PACS2: variants seen among roughly 807,000 people sequenced by gnomAD.
PACS2 encodes phosphofurin acidic cluster sorting protein 2, also known as PACS1-like protein.
PACS2 carries 36 observed loss-of-function variants against 113.0 expected under a neutral mutation model. The ratio of observed to expected loss-of-function variants is 0.32; its 90% confidence interval spans 0.24 to 0.42. The LOEUF is 0.42. Among genes scored for constraint, PACS2 ranks in the 10% least tolerant of loss-of-function variants. The pLI, the probability that PACS2 is intolerant of heterozygous loss-of-function variation, is 1.00. For missense variants in PACS2, 1,015 were observed against 1,239.5 expected (o/e 0.82, Z 2.72); for synonymous variants, 589 against 536.1 (o/e 1.10, Z -1.36).
chr14:105,347,095 C>T (rs995989843), intron 1 of PACS2, among the ~76,000 whole-genome samples: 3 of 147,096 alleles, frequency 2.0e-5, no homozygotes, highest in South Asian at 2.3e-4. Flanking sequence ...AAGTCAGGCG[C>T]GTCCCACCCA....
intron 8 of PACS2, chr14:105,374,843 G>C (rs963730838): frequency 2.6e-5 from 4 of 152,224 alleles, no homozygotes; most frequent in African/African-American, 9.7e-5. Context: ...CTCAGACACA[G>C]GATCACTTCC....
intron 9 of PACS2, among the ~76,000 whole-genome samples, chr14:105,378,463 G>A (rs1475253489): frequency 1.3e-5 from 2 of 152,230 alleles, no homozygotes; most frequent in African/African-American, 4.8e-5. Context: ...AGGCTAGAGT[G>A]TAGTTGTGCA....
chr14:105,360,172 T>C (rs2060623522), intron 4 of PACS2, among the ~76,000 whole-genome samples: 2 of 152,228 alleles, frequency 1.3e-5, no homozygotes, highest in African/African-American at 2.4e-5. Flanking sequence ...ATAAAAGTTA[T>C]GTTTACACTG....
chr14:105,382,912 T>G lies in PACS2; in HGVS notation c.1624T>G (p.Tyr542Asp), dbSNP rs781953447. Reference sequence around the variant, plus strand: ...CACCATCGTCTCACGGATACAGAGATAGTGAGTTGGGCTCCACCCTGTACT... The same window carrying G: ...CACCATCGTCTCACGGATACAGAGAGAGTGAGTTGGGCTCCACCCTGTACT... ...FSTIVSRIQRYCNCNSQPPTP... is the reference protein window; with the variant it reads ...FSTIVSRIQRDCNCNSQPPTP... Residue 542 changes from tyrosine to aspartate, a missense_variant and splice_region_variant, in exon 15 of 25, where the codon TAC becomes GAC. By Grantham distance (160) the Tyr-to-Asp change is radical (BLOSUM62 -3). Around this residue, in one of 3 missense-constraint regions of PACS2, gnomAD observed 859 missense variants for 1,056.8 expected, o/e 0.81. Transcript: ENST00000447393. 1 of 1,580,466 alleles carries G rather than the reference T, an allele frequency of 6.3e-7. No individual in the cohort carries two copies. Among genetic ancestry groups the G allele is most frequent in the Non-Finnish European group, 8.6e-7 (1 of 1,156,806 alleles).
chr14:105,391,170 G>A (rs1555414721), intron 20 of PACS2, 37 bp from the exon 21 acceptor site: 1 of 1,579,680 alleles, frequency 6.3e-7, no homozygotes, highest in Non-Finnish European at 8.7e-7. Flanking sequence ...TAGCTGAATT[G>A]CACGGCTTTC....
chr14:105,362,219 C>T (rs756646019), intron 4 of PACS2, among the ~76,000 whole-genome samples: 26 of 150,714 alleles, frequency 1.7e-4, no homozygotes, highest in Admixed American at 6.0e-4. Context: ...GAGATCAAGA[C>T]CATCCTGGCT....
At chr14:105,308,723 C>T (rs1398993327) in intron 1 of PACS2, among the ~76,000 whole-genome samples, 4 of 152,102 alleles carry the variant, frequency 2.6e-5, no homozygotes, top group South Asian at 2.1e-4. Context: ...CTTCATGATC[C>T]GCCTGCCTCA....
intron 1 of PACS2, among the ~76,000 whole-genome samples, chr14:105,338,613 C>T (rs1345056966): frequency 1.3e-5 from 2 of 152,122 alleles, no homozygotes; most frequent in African/African-American, 4.8e-5. Context: ...CCCTGCCGAC[C>T]CTCACCTCCC....
Position 105,384,940 on chromosome 14 carries a change from C to T in PACS2, c.1953C>T (p.Ala651=). 1.2e-6 allele frequency: 2 copies of T among 1,600,290 alleles called. No homozygotes were observed. The highest frequency in any genetic ancestry group is 1.7e-6 in the Non-Finnish European group (2 of 1,173,760). ...ITQYIAGANC[A]HQLPIAEAML... is the part of the protein sequence containing the mutation. ...AGTACATCGCAGGGGCCAACTGTGC[C>T]CACCAGCTCCCCATCGCAGAGGCCA... The change falls in exon 18 of 25, where the codon GCC becomes GCT. Residue 651 remains alanine (A), a synonymous_variant. Coordinates refer to ENST00000447393, the MANE Select transcript of PACS2 (RefSeq NM_001100913.3).
chr14:105,376,279 C>G lies in PACS2; in HGVS notation c.802-489C>G, dbSNP rs1555410387. ...GGATGACGCCCTCCTCCCCCCGCCACCGAGAGCTGCAGGCCACATGATTCC... is the reference window on the plus strand; with the variant it reads ...GGATGACGCCCTCCTCCCCCCGCCAGCGAGAGCTGCAGGCCACATGATTCC... On this transcript the variant is annotated intron_variant, in intron 8 of 24. Transcript: ENST00000447393. The surrounding 1 kb of genome is among the most constrained non-coding windows in gnomAD (Gnocchi z 4.7). 6.6e-6 allele frequency among the ~76,000 whole-genome samples: 1 copy of G among 151,944 alleles called. No individual in the cohort carries two copies. The highest frequency in any genetic ancestry group is 1.5e-5 in the Non-Finnish European group (1 of 67,978).
intron 1 of PACS2, among the ~76,000 whole-genome samples, chr14:105,335,905 T>C (rs1020373226): frequency 3.9e-5 from 6 of 152,152 alleles, no homozygotes; most frequent in African/African-American, 1.4e-4. Context: ...CGTGGAACTC[T>C]CTCCATGAGG....
rs938930899 is a variant in PACS2, at chr14:105,355,318, G to C, written c.423+141G>C. On this transcript the variant is annotated intron_variant, in intron 4 of 24. Coordinates refer to ENST00000447393, the MANE Select transcript of PACS2 (RefSeq NM_001100913.3). The surrounding 1 kb of genome is among the most constrained non-coding windows in gnomAD (Gnocchi z 4.1). ...AATGATGAGAGGAGCCTGGGCGGCC[G>C]GGCTCCGCCATAAGGGCCAGGTGCG... is the stretch of plus-strand genomic sequence containing the variant. The C allele has an allele frequency of 2.9e-5, 30 of 1,049,960 alleles. No individual in the cohort carries two copies. Among genetic ancestry groups the C allele is most frequent in the Non-Finnish European group, 3.9e-5 (29 of 749,654 alleles). 65.0% of individuals were successfully genotyped at this position (1,049,960 alleles called of 1,614,324 possible).
chr14:105,363,949 G>A (rs1315790608), intron 4 of PACS2, among the ~76,000 whole-genome samples: 1 of 152,126 alleles, frequency 6.6e-6, no homozygotes, highest in Non-Finnish European at 1.5e-5. Context: ...ACATGGGAAT[G>A]GCCGGTGGGC....
chr14:105,370,044 G>A (rs1005492011), intron 8 of PACS2, 144 bp downstream of exon 8: 44 of 703,090 alleles, frequency 6.3e-5, no homozygotes, highest in Non-Finnish European at 8.0e-5. Context: ...CACAGTCTGC[G>A]AGGCGCAGTG....
chr14:105,384,288 C>A, intron 16 of PACS2, 65 bp from the exon 17 acceptor site: 1 of 957,546 alleles, frequency 1.0e-6, no homozygotes, highest in East Asian at 2.5e-5. Flanking sequence ...AGCTTTTGTG[C>A]CGCGGTGGGA....
rs190299831 is a variant in PACS2, at chr14:105,336,735, G to A, written c.120-11758G>A. ...CTGTGGGGAGGGCGTCCTTGTAGAA[G>A]TGTTAATCAGAGTGAAAGCCAGTCC... is the stretch of plus-strand genomic sequence containing the variant. On this transcript the variant is annotated intron_variant, in intron 1 of 24. Coordinates refer to ENST00000447393, the MANE Select transcript of PACS2 (RefSeq NM_001100913.3). 5.9e-5 allele frequency: 9 copies of A among 152,466 alleles called. No homozygotes were observed. The East Asian group carries it at 1.7e-3, about 29-fold the overall frequency. 9.4% of individuals were successfully genotyped at this position (152,466 alleles called of 1,614,324 possible). A position where few individuals can be genotyped will look rare whatever the true frequency, so the allele number is the denominator to read the frequency against.
At chr14:105,331,441 G>C in intron 1 of PACS2, among the ~76,000 whole-genome samples, 1 of 152,090 alleles carries the variant, frequency 6.6e-6, no homozygotes, top group Admixed American at 6.5e-5. Flanking sequence ...TTTTGAGACA[G>C]GTTCTCACTC....
intron 3 of PACS2, among the ~76,000 whole-genome samples, chr14:105,352,902 G>GCA (rs1555404417): frequency 1.1e-4 from 12 of 104,458 alleles, no homozygotes; most frequent in African/African-American, 2.3e-4. Flanking sequence ...GGGGTGACGG[G>GCA]CCCCCTCATC....
intron 1 of PACS2, among the ~76,000 whole-genome samples, chr14:105,334,993 G>T (rs1460569619): frequency 1.3e-5 from 2 of 152,260 alleles, no homozygotes; most frequent in Non-Finnish European, 1.5e-5. Flanking sequence ...GCCTGGGACT[G>T]TTGGGCTGGA....
Sources: gnomAD v4.1 joint callset for allele counts (sites outside exome capture counted in the v4.1 genomes callset) on GRCh38, gnomAD v4.1.1 for gene constraint, gnomAD v4.1.1 regional missense constraint, Gnocchi (gnomAD v3.1) non-coding constraint, MANE v1.5 for transcripts, NCBI Gene and HGNC (gene_info 2026-07-23, HGNC 2026-07-21) for gene names.